The following TDRP variants were observed in gnomAD, a reference collection of about 807,000 sequenced individuals.
The protein encoded by TDRP is testis development-related protein.
Under a neutral mutation model 10.5 loss-of-function variants are expected in TDRP, and 12 were observed. That is an observed-to-expected ratio of 1.15 (90% CI 0.73 to 1.86). The LOEUF (loss-of-function observed/expected upper bound fraction) is 1.86, where lower values mean the gene tolerates loss of function less well. TDRP is among the 40% of genes most tolerant of loss of function. TDRP has a pLI of 0.00. For missense variants in TDRP, 353 were observed against 229.2 expected (o/e 1.54, Z -3.49); for synonymous variants, 139 against 95.4 (o/e 1.46, Z -2.67).
intron 1 of TDRP, among the ~76,000 whole-genome samples, chr8:515,154 G>A (rs1214832722): frequency 6.6e-6 from 1 of 152,166 alleles, no homozygotes; most frequent in African/African-American, 2.4e-5. Context: ...ACTGATGTAT[G>A]TTCTGTGCAC....
At position 491,405 on chromosome 8, in the gene TDRP, T is replaced by C. The variant is rs1041166073; in HGVS notation, c.*994A>G. 17 of 444,940 alleles carry C rather than the reference T, an allele frequency of 3.8e-5. No homozygotes were observed. Among genetic ancestry groups the C allele is most frequent in the Non-Finnish European group, 5.4e-5 (14 of 259,794 alleles). The allele number at this position is 444,940 out of a possible 1,614,324, so 27.6% of individuals were successfully genotyped here. Reference sequence around the variant, plus strand: ...GCACCTGATACTGTGCAGGATCACATTGTCAAGGACAGTAAGCAGACAGAA... The same window carrying C: ...GCACCTGATACTGTGCAGGATCACACTGTCAAGGACAGTAAGCAGACAGAA... On this transcript the variant is annotated 3_prime_UTR_variant, in exon 3 of 3. Transcript: ENST00000324079.
At chr8:516,492 T>C (rs1009951850) in intron 1 of TDRP, among the ~76,000 whole-genome samples, 1 of 152,058 alleles carries the variant, frequency 6.6e-6, no homozygotes, top group East Asian at 1.9e-4. Flanking sequence ...AGATGGTAAA[T>C]AAGCATCTGA....
chr8:503,782 A>G (rs1185379200), intron 1 of TDRP, among the ~76,000 whole-genome samples: 1 of 143,724 alleles, frequency 7.0e-6, no homozygotes, highest in East Asian at 2.0e-4. Flanking sequence ...AGAGCCACAC[A>G]CTGGAACCCA....
At chr8:499,170 T>C (rs1801218255) in intron 1 of TDRP, among the ~76,000 whole-genome samples, 1 of 152,174 alleles carries the variant, frequency 6.6e-6, no homozygotes, top group African/African-American at 2.4e-5. Context: ...CCATTGAAAT[T>C]ATTAGGAATA....
At chr8:543,212 TGA>T (rs1802546033) in intron 1 of TDRP, among the ~76,000 whole-genome samples, 2 of 151,992 alleles carry the variant, frequency 1.3e-5, no homozygotes, top group South Asian at 2.1e-4. Context: ...CTACAGAGGC[TGA>T]GAGAGGAGAA....
chr8:527,240 A>G (rs943617574), intron 1 of TDRP, among the ~76,000 whole-genome samples: 3 of 152,196 alleles, frequency 2.0e-5, no homozygotes, highest in African/African-American at 4.8e-5. Context: ...AATGAAAACT[A>G]TAAAACACTG....
intron 1 of TDRP, among the ~76,000 whole-genome samples, chr8:541,116 T>A (rs947952065): frequency 6.6e-6 from 1 of 152,266 alleles, no homozygotes; most frequent in Non-Finnish European, 1.5e-5. Flanking sequence ...ATTTCAAAAT[T>A]TAATTCTAAT....
At chr8:502,890 A>C (rs571385564) in intron 1 of TDRP, among the ~76,000 whole-genome samples, 1 of 152,024 alleles carries the variant, frequency 6.6e-6, no homozygotes, top group South Asian at 2.1e-4. Context: ...CGGAATCCAG[A>C]GCCACACATC....
At chr8:493,382 G>A (rs1461097129) in intron 2 of TDRP, among the ~76,000 whole-genome samples, 1 of 152,220 alleles carries the variant, frequency 6.6e-6, no homozygotes, top group Non-Finnish European at 1.5e-5. Context: ...CTGACAACCA[G>A]GGAACCGGTT....
chr8:494,469 A>G (rs1253812494), intron 2 of TDRP, 25 bp downstream of exon 2: 1 of 1,604,028 alleles, frequency 6.2e-7, no homozygotes, highest in Non-Finnish European at 8.5e-7. Flanking sequence ...TGAAATGATC[A>G]TTTTCTTACA....
chr8:514,966 A>C (rs1004504937), intron 1 of TDRP, among the ~76,000 whole-genome samples: 2 of 152,228 alleles, frequency 1.3e-5, no homozygotes, highest in African/African-American at 4.8e-5. Flanking sequence ...TGCAAAAGAC[A>C]ATCAGGAAAA....
intron 1 of TDRP, among the ~76,000 whole-genome samples, chr8:517,213 G>C (rs970821000): frequency 2.6e-5 from 4 of 152,030 alleles, no homozygotes; most frequent in Non-Finnish European, 5.9e-5. Context: ...CCTAACTCTG[G>C]TACAGCATCA....
At chr8:540,052 G>T (rs1802452169) in intron 1 of TDRP, among the ~76,000 whole-genome samples, 1 of 152,180 alleles carries the variant, frequency 6.6e-6, no homozygotes, top group African/African-American at 2.4e-5. Context: ...ATCCAGTTTA[G>T]AGGCAACTGA....
intron 1 of TDRP, among the ~76,000 whole-genome samples, chr8:538,785 G>C (rs34289067): frequency 0.13 from 20,186 of 152,250 alleles, 1,401 homozygotes; most frequent in East Asian, 0.24. Context: ...ATAAATAAGA[G>C]AAAGGCAAAT....
intron 1 of TDRP, among the ~76,000 whole-genome samples, chr8:525,000 C>G (rs553808784): frequency 3.3e-5 from 5 of 152,130 alleles, no homozygotes; most frequent in Admixed American, 6.5e-5. Context: ...CCAAACAAGA[C>G]TACTTCAAGG....
chr8:526,512 C>G (rs1488123478), intron 1 of TDRP, among the ~76,000 whole-genome samples: 2 of 152,200 alleles, frequency 1.3e-5, no homozygotes, highest in East Asian at 3.9e-4. Flanking sequence ...TGATGTATCA[C>G]GTTGGTTGAT....
chr8:500,604 TAC>T (rs1324088728), intron 1 of TDRP, among the ~76,000 whole-genome samples: 3 of 152,246 alleles, frequency 2.0e-5, no homozygotes, highest in Non-Finnish European at 4.4e-5. Flanking sequence ...ATGTCCAAGA[TAC>T]AGTGTCATTT....
Position 517,818 on chromosome 8 carries a change from G to A in TDRP, c.109-23221C>T, listed in dbSNP as rs188748422. On this transcript the variant is annotated intron_variant, in intron 1 of 2. Transcript: ENST00000324079. ...TATTTTACAGAGTTTGGATTTTTCT[G>A]CCAACAAATACATCTTACTAAGTGA... 1.1e-3 allele frequency among the ~76,000 whole-genome samples: 164 copies of A among 152,286 alleles called. 1 individual carries two copies. The highest frequency in any genetic ancestry group is 1.6e-3 in the Non-Finnish European group (108 of 68,012).
Position 510,937 on chromosome 8 carries a change from C to T in TDRP, c.109-16340G>A, listed in dbSNP as rs539663284. ...ATGTAATGTGTATGTAATATATTTG[C>T]CAATAACACCACAAAAGATGAGGGT... is the stretch of plus-strand genomic sequence containing the variant. On this transcript the variant is annotated intron_variant, in intron 1 of 2. Coordinates refer to ENST00000324079, the MANE Select transcript of TDRP (RefSeq NM_001384899.1). Among the ~76,000 whole-genome samples the T allele has an allele frequency of 1.7e-4, 26 of 152,210 alleles. No homozygotes were observed. In the East Asian group the frequency reaches 3.3e-3, roughly 19 times the overall value.
Sources: gnomAD v4.1 joint callset for allele counts (sites outside exome capture counted in the v4.1 genomes callset) on GRCh38, gnomAD v4.1.1 for gene constraint, MANE v1.5 for transcripts, NCBI Gene and HGNC (gene_info 2026-07-23, HGNC 2026-07-21) for gene names.